The following IMMP1L variants were observed in gnomAD, a reference collection of about 807,000 sequenced individuals.
The protein encoded by IMMP1L is inner mitochondrial membrane peptidase subunit 1, also known as mitochondrial inner membrane protease subunit 1.
In IMMP1L, 24 loss-of-function variants were observed where a neutral mutation model predicts 21.8. The ratio of observed to expected loss-of-function variants is 1.10; its 90% confidence interval spans 0.80 to 1.55. The LOEUF (loss-of-function observed/expected upper bound fraction) is 1.55, where lower values mean the gene tolerates loss of function less well. IMMP1L is among the 40% of genes most tolerant of loss of function. The probability of loss-of-function intolerance (pLI) is 0.00; values close to 1 mark genes in which losing one functional copy is unlikely to be tolerated. For synonymous variants in IMMP1L, 46 were observed against 62.8 expected, an observed-to-expected ratio of 0.73 and a Z score of 1.26; for missense variants, 195 against 200.7, an observed-to-expected ratio of 0.97 and a Z score of 0.17.
intron 1 of IMMP1L, among the ~76,000 whole-genome samples, chr11:31,486,760 C>G (rs913246612): frequency 6.6e-6 from 1 of 151,830 alleles, no homozygotes; most frequent in Non-Finnish European, 1.5e-5. Flanking sequence ...TGAAATAAAA[C>G]TACACATAAC....
chr11:31,442,934 C>A (rs186733750), intron 4 of IMMP1L, among the ~76,000 whole-genome samples: 92 of 152,030 alleles, frequency 6.1e-4, no homozygotes, highest in Non-Finnish European at 1.1e-3. Context: ...TATTTTGTGT[C>A]TAATGGAATA....
intron 1 of IMMP1L, among the ~76,000 whole-genome samples, chr11:31,496,053 C>G (rs1247463673): frequency 6.6e-6 from 1 of 151,056 alleles, no homozygotes; most frequent in Non-Finnish European, 1.5e-5. Flanking sequence ...ATTTGCATAT[C>G]ATACATCTAA....
chr11:31,473,120 G>A (rs1198015113), intron 1 of IMMP1L, among the ~76,000 whole-genome samples: 1 of 152,140 alleles, frequency 6.6e-6, no homozygotes, highest in East Asian at 1.9e-4. Flanking sequence ...CGCGATCTTG[G>A]CTCACCGCAA....
At chr11:31,447,390 C>T (rs77730069) in intron 4 of IMMP1L, among the ~76,000 whole-genome samples, 1 of 152,322 alleles carries the variant, frequency 6.6e-6, no homozygotes, top group East Asian at 1.9e-4. Context: ...CCTAGACCTA[C>T]TTTGACTTTC....
intron 4 of IMMP1L, among the ~76,000 whole-genome samples, chr11:31,441,281 G>A (rs1407383443): frequency 6.6e-6 from 1 of 150,904 alleles, no homozygotes; most frequent in African/African-American, 2.4e-5. Context: ...GATGCAGGTT[G>A]GGGGAGCTTG....
At chr11:31,497,523 G>A (rs1955488946) in intron 1 of IMMP1L, among the ~76,000 whole-genome samples, 1 of 147,866 alleles carries the variant, frequency 6.8e-6, no homozygotes. Context: ...GTGCAGTGGT[G>A]CGATCTCCGC....
intron 1 of IMMP1L, among the ~76,000 whole-genome samples, chr11:31,479,213 T>A (rs1954813504): frequency 6.6e-6 from 1 of 152,078 alleles, no homozygotes; most frequent in African/African-American, 2.4e-5. Context: ...TATGGCTTAC[T>A]TGACAAGTTT....
chr11:31,478,643 T>C (rs1954797291), intron 1 of IMMP1L, among the ~76,000 whole-genome samples: 1 of 152,112 alleles, frequency 6.6e-6, no homozygotes, highest in Non-Finnish European at 1.5e-5. Flanking sequence ...TAACTAAAAA[T>C]GATATTACAT....
intron 5 of IMMP1L, among the ~76,000 whole-genome samples, 185 bp downstream of exon 5, chr11:31,433,275 A>C (rs1952984556): frequency 6.6e-6 from 1 of 152,156 alleles, no homozygotes; most frequent in Admixed American, 6.5e-5. Flanking sequence ...TATTATCTCT[A>C]TGGGAGCAGG....
chr11:31,444,479 T>C (rs1014354622), intron 4 of IMMP1L, among the ~76,000 whole-genome samples: 4 of 152,328 alleles, frequency 2.6e-5, no homozygotes, highest in African/African-American at 9.6e-5. Flanking sequence ...ATTAAAAATG[T>C]ACATTAATTA....
chr11:31,436,204 A>C (rs1400354858), intron 4 of IMMP1L, among the ~76,000 whole-genome samples: 2 of 152,192 alleles, frequency 1.3e-5, no homozygotes, highest in Non-Finnish European at 2.9e-5. Context: ...TATGTTCCAC[A>C]AAGTTTTTAG....
intron 1 of IMMP1L, among the ~76,000 whole-genome samples, chr11:31,480,687 A>AT (rs1954866359): frequency 1.3e-5 from 2 of 152,090 alleles, no homozygotes; most frequent in South Asian, 4.1e-4. Context: ...CATGCTACTT[A>AT]TTTTTAGCCT....
chr11:31,456,741 C>T (rs1319594000), intron 3 of IMMP1L, among the ~76,000 whole-genome samples: 1 of 151,302 alleles, frequency 6.6e-6, no homozygotes, highest in South Asian at 2.1e-4. Flanking sequence ...CTACATAGGC[C>T]GGGTACAGTG....
intron 2 of IMMP1L, 73 bp from the exon 3 acceptor site, chr11:31,460,787 T>C: frequency 1.9e-6 from 2 of 1,075,014 alleles, no homozygotes; most frequent in South Asian, 2.9e-5. Flanking sequence ...TTAAGCAAGC[T>C]TAAAAGAAAG....
At chr11:31,491,988 T>C (rs1211951681) in intron 1 of IMMP1L, among the ~76,000 whole-genome samples, 3 of 152,208 alleles carry the variant, frequency 2.0e-5, no homozygotes, top group Non-Finnish European at 4.4e-5. Context: ...CCTAAGGGCC[T>C]TGGGATTTTC....
intron 1 of IMMP1L, among the ~76,000 whole-genome samples, chr11:31,503,969 T>C (rs981305016): frequency 3.3e-5 from 5 of 152,168 alleles, no homozygotes; most frequent in Non-Finnish European, 5.9e-5. Context: ...TGATGCGATA[T>C]AGCAAGGAAA....
In IMMP1L at chr11:31,467,217, T is replaced by C. The variant is rs374418043; in HGVS notation, c.-29-3912A>G. Among the ~76,000 whole-genome samples, 16 of 152,288 alleles carry C rather than the reference T, an allele frequency of 1.1e-4. No individual in the cohort carries two copies. In the East Asian group the frequency reaches 2.9e-3, roughly 28 times the overall value. On this transcript the variant is annotated intron_variant, in intron 1 of 5. Transcript: ENST00000532287. ...ATGGAAAGGGATCTTAAGGATGAAT[T>C]TGAGTTATCAAAACAAATTTACTTA...
At chr11:31,492,034 C>T (rs1039510754) in intron 1 of IMMP1L, among the ~76,000 whole-genome samples, 1 of 152,182 alleles carries the variant, frequency 6.6e-6, no homozygotes, top group Admixed American at 6.5e-5. Context: ...AACTTAAAGA[C>T]ACCAGTTGCC....
At chr11:31,433,013 G>A (rs1952966893) in intron 5 of IMMP1L, among the ~76,000 whole-genome samples, 1 of 152,126 alleles carries the variant, frequency 6.6e-6, no homozygotes, top group African/African-American at 2.4e-5. Flanking sequence ...GTGATAAAAA[G>A]GAGGGGCCAG....
Sources: gnomAD v4.1 joint callset for allele counts (sites outside exome capture counted in the v4.1 genomes callset) on GRCh38, gnomAD v4.1.1 for gene constraint, MANE v1.5 for transcripts, NCBI Gene and HGNC (gene_info 2026-07-23, HGNC 2026-07-21) for gene names.